Variants in MITD1 observed in about 807,000 individuals in gnomAD.
MITD1 encodes MIT domain-containing protein 1.
In MITD1, 24 loss-of-function variants were observed where a neutral mutation model predicts 34.9. The observed-to-expected ratio is 0.69, with a 90% confidence interval of 0.50 to 0.97. MITD1 has a LOEUF of 0.97. Among genes scored for constraint, MITD1 ranks in the 50% least tolerant of loss-of-function variants. The pLI, the probability that MITD1 is intolerant of heterozygous loss-of-function variation, is 0.00. For synonymous variants in MITD1, 102 were observed against 101.4 expected, an observed-to-expected ratio of 1.01 and a Z score of -0.04; for missense variants, 266 against 294.6, an observed-to-expected ratio of 0.90 and a Z score of 0.71.
In MITD1 at chr2:99,178,902, G is replaced by C. The variant is rs540737147; in HGVS notation, c.151+1929C>G. Among the ~76,000 whole-genome samples, 4 of 152,216 alleles carry C rather than the reference G, an allele frequency of 2.6e-5. No homozygotes were observed. The East Asian group carries it at 5.8e-4, about 22-fold the overall frequency. ...TCTCACTCTTCCTCTTCAGATACAT[G>C]CTCAACCAAACTACTTATTTCGTAA... is the stretch of plus-strand genomic sequence containing the variant. On this transcript the variant is annotated intron_variant, in intron 1 of 6. Coordinates refer to ENST00000289359, the MANE Select transcript of MITD1 (RefSeq NM_138798.3).
chr2:99,179,669 TC>T (rs1172669676), intron 1 of MITD1, among the ~76,000 whole-genome samples: 1 of 152,100 alleles, frequency 6.6e-6, no homozygotes, highest in Non-Finnish European at 1.5e-5. Context: ...TTCAAGCAAT[TC>T]TCCTGCCTCA....
At chr2:99,174,141 TCAAA>T (rs2093873913) in intron 1 of MITD1, 125 bp from the exon 2 acceptor site, 2 of 576,114 alleles carry the variant, frequency 3.5e-6, no homozygotes, top group African/African-American at 3.8e-5. Flanking sequence ...GCCTCAGTCC[TCAAA>T]CACACACAAT....
intron 1 of MITD1, among the ~76,000 whole-genome samples, chr2:99,180,330 T>A (rs1014030988): frequency 2.0e-5 from 3 of 152,210 alleles, no homozygotes; most frequent in Non-Finnish European, 2.9e-5. Context: ...GCATTTTTGC[T>A]CAAATAGAGC....
chr2:99,166,889 ATATATAT>A (rs1559174844), downstream of MITD1, among the ~76,000 whole-genome samples: 64 of 79,220 alleles, frequency 8.1e-4, no homozygotes, highest in African/African-American at 2.4e-3. Context: ...ATATATATAT[ATATATAT>A]AAATTTTTCA....
chr2:99,162,890 T>C (rs761067400), intron 7 of MITD1: 2 of 1,612,938 alleles, frequency 1.2e-6, no homozygotes, highest in Non-Finnish European at 1.7e-6. Flanking sequence ...AAATTTGTAA[T>C]ATTGAAGCAC....
At chr2:99,180,298 A>C (rs1559185123) in intron 1 of MITD1, among the ~76,000 whole-genome samples, 2 of 152,240 alleles carry the variant, frequency 1.3e-5, no homozygotes, top group African/African-American at 2.4e-5. Flanking sequence ...CTTATTACCC[A>C]TCACCGAAAT....
At chr2:99,170,358 C>T (rs962508589) in intron 5 of MITD1, among the ~76,000 whole-genome samples, 179 bp downstream of exon 5, 1 of 151,648 alleles carries the variant, frequency 6.6e-6, no homozygotes, top group African/African-American at 2.4e-5. Context: ...CTTACTTTGT[C>T]AAAAAGAAAG....
chr2:99,166,486 G>GAAAAAA (rs367705088), downstream of MITD1, among the ~76,000 whole-genome samples: 15 of 116,808 alleles, frequency 1.3e-4, no homozygotes, highest in Non-Finnish European at 2.4e-4. Flanking sequence ...GAGGAAATAA[G>GAAAAAA]AAAAAAAAAA....
At chr2:99,172,847 C>T (rs2093866314) in intron 2 of MITD1, 1 of 150,806 alleles carries the variant, frequency 6.6e-6, no homozygotes, top group Non-Finnish European at 1.5e-5. Flanking sequence ...CGCGCCACTG[C>T]ACTCCAGCCT....
chr2:99,180,512 A>C (rs1260908976), intron 1 of MITD1, among the ~76,000 whole-genome samples: 1 of 152,230 alleles, frequency 6.6e-6, no homozygotes, highest in Non-Finnish European at 1.5e-5. Context: ...AAACTTTTCT[A>C]ATAGATCCAA....
At chr2:99,165,016 G>GCA (rs1331157534), downstream of MITD1, among the ~76,000 whole-genome samples, 4 of 98,014 alleles carry the variant, frequency 4.1e-5, no homozygotes, top group African/African-American at 1.8e-4. Context: ...AGTCAAAATG[G>GCA]CATACACACA....
chr2:99,177,386 C>T (rs988327700), intron 1 of MITD1, among the ~76,000 whole-genome samples: 1 of 152,098 alleles, frequency 6.6e-6, no homozygotes, highest in Admixed American at 6.5e-5. Flanking sequence ...TCATTCAGGC[C>T]CTTATCATGC....
At chr2:99,175,515 T>C (rs2093882027) in intron 1 of MITD1, among the ~76,000 whole-genome samples, 1 of 152,254 alleles carries the variant, frequency 6.6e-6, no homozygotes, top group African/African-American at 2.4e-5. Context: ...TGTTGATGTG[T>C]CTTACTGCTG....
chr2:99,166,510 G>T (rs1417761836), downstream of MITD1, among the ~76,000 whole-genome samples: 56 of 142,754 alleles, frequency 3.9e-4, no homozygotes, highest in African/African-American at 9.0e-4. Context: ...AAAACATACA[G>T]AGAACACTCT....
At position 99,174,052 on chromosome 2, in the gene MITD1, A is replaced by C. The variant is rs563165869; in HGVS notation, c.152-36T>G. ...AAAAATATATATTATCAAGTATCAAAATAGTTTTTCTATTTAATTTGGGCA... is the reference window on the plus strand; with the variant it reads ...AAAAATATATATTATCAAGTATCAACATAGTTTTTCTATTTAATTTGGGCA... On this transcript the variant is annotated intron_variant, in intron 1 of 6. Coordinates refer to ENST00000289359, the MANE Select transcript of MITD1 (RefSeq NM_138798.3). 88 of 1,078,872 alleles carry C rather than the reference A, an allele frequency of 8.2e-5. 1 individual carries two copies. Among genetic ancestry groups the C allele is most frequent in the Admixed American group, 2.7e-4 (11 of 40,822 alleles). The allele number at this position is 1,078,872 out of a possible 1,614,324, so 66.8% of individuals were successfully genotyped here.
intron 7 of MITD1, chr2:99,162,974 T>G (rs1338971138): frequency 6.2e-7 from 1 of 1,613,766 alleles, no homozygotes; most frequent in South Asian, 1.1e-5. Flanking sequence ...TTTGCCCAAC[T>G]GAAACTACCA....
At chr2:99,164,368 G>A (rs1304276411), downstream of MITD1, among the ~76,000 whole-genome samples, 1 of 151,864 alleles carries the variant, frequency 6.6e-6, no homozygotes, top group Non-Finnish European at 1.5e-5. Flanking sequence ...CCTCACCCAG[G>A]CTGGAGTGCA....
In MITD1 at chr2:99,169,700, C is replaced by T; in HGVS notation, c.594-90G>A. 5 of 1,072,812 alleles carry T rather than the reference C, an allele frequency of 4.7e-6. No homozygotes were observed. The South Asian group carries it at 5.6e-5, about 12-fold the overall frequency. The allele number at this position is 1,072,812 out of a possible 1,614,324, so 66.5% of individuals were successfully genotyped here. ...GTGTATTAAGTGTCAGCAAAATTTC[C>T]CCCTAACAAAGCAAACCACTTCCTC... On this transcript the variant is annotated intron_variant, in intron 5 of 6. Coordinates refer to ENST00000289359, the MANE Select transcript of MITD1 (RefSeq NM_138798.3).
In MITD1 at chr2:99,179,993, G is replaced by A. The variant is rs181995910; in HGVS notation, c.151+838C>T. ...GAACAGAGGGAGCTTAGTCCAGACC[G>A]GGAGTGTCGGGGGTTGGGGAGCAGG... On this transcript the variant is annotated intron_variant, in intron 1 of 6. Coordinates refer to ENST00000289359, the MANE Select transcript of MITD1 (RefSeq NM_138798.3). Among the ~76,000 whole-genome samples, 9 of 152,262 alleles carry A rather than the reference G, an allele frequency of 5.9e-5. No individual in the cohort carries two copies. The East Asian group carries it at 1.5e-3, about 26-fold the overall frequency.
Sources: gnomAD v4.1 joint callset for allele counts (sites outside exome capture counted in the v4.1 genomes callset) on GRCh38, gnomAD v4.1.1 for gene constraint, MANE v1.5 for transcripts, NCBI Gene and HGNC (gene_info 2026-07-23, HGNC 2026-07-21) for gene names.